CCL28: variants seen among roughly 807,000 people sequenced by gnomAD.
The protein encoded by CCL28 is C-C motif chemokine ligand 28.
A neutral mutation model predicts 7.1 loss-of-function variants in CCL28; 4 were observed. The ratio of observed to expected loss-of-function variants is 0.56; its 90% CI spans 0.28 to 1.29. The LOEUF is 1.29. Ranked by LOEUF, CCL28 falls within the 50% of genes most tolerant of loss-of-function variation. The pLI is 0.11. For missense variants in CCL28, 151 were observed against 163.4 expected, an observed-to-expected ratio of 0.92 and a Z score of 0.41; for synonymous variants, 55 against 57.8, an observed-to-expected ratio of 0.95 and a Z score of 0.22.
At chr5:43,403,271 G>A (rs953734790) in intron 1 of CCL28, among the ~76,000 whole-genome samples, 2 of 152,174 alleles carry the variant, frequency 1.3e-5, no homozygotes, top group Non-Finnish European at 2.9e-5. Flanking sequence ...AGTAGGGGCC[G>A]ACTGACACCT....
At chr5:43,378,687 G>C (rs1440622155), downstream of CCL28, among the ~76,000 whole-genome samples, 1 of 152,160 alleles carries the variant, frequency 6.6e-6, no homozygotes, top group Non-Finnish European at 1.5e-5. Context: ...TTTTGGCCGG[G>C]CGCGGTGGCT....
the CCL28 span, among the ~76,000 whole-genome samples, chr5:43,367,482 G>A: frequency 3.3e-5 from 5 of 152,202 alleles, no homozygotes; most frequent in African/African-American, 1.2e-4. Flanking sequence ...CTTGGCTAGG[G>A]AAGGGAGTTC....
intron 2 of CCL28, among the ~76,000 whole-genome samples, chr5:43,384,642 CTT>C (rs532693039): frequency 6.8e-6 from 1 of 147,382 alleles, no homozygotes; most frequent in African/African-American, 2.5e-5. Flanking sequence ...GCCAATCCCC[CTT>C]TTTTTTTTTC....
At chr5:43,391,152 C>T (rs1467675109) in intron 1 of CCL28, among the ~76,000 whole-genome samples, 1 of 151,928 alleles carries the variant, frequency 6.6e-6, no homozygotes, top group Non-Finnish European at 1.5e-5. Flanking sequence ...AAGGCAGAAG[C>T]GATAAATTAT....
chr5:43,373,101 T>C (rs893089059), downstream of CCL28, among the ~76,000 whole-genome samples: 2 of 152,094 alleles, frequency 1.3e-5, no homozygotes, highest in Non-Finnish European at 2.9e-5. Flanking sequence ...ATGCCCAGCC[T>C]GAACATTCTT....
chr5:43,382,520 T>C (rs1013146833), intron 2 of CCL28, among the ~76,000 whole-genome samples: 4 of 152,212 alleles, frequency 2.6e-5, no homozygotes, highest in African/African-American at 7.2e-5. Context: ...CCGTCTTTTT[T>C]CCCCTCTGAT....
chr5:43,382,427 C>T (rs1259440856), intron 2 of CCL28, among the ~76,000 whole-genome samples: 1 of 152,200 alleles, frequency 6.6e-6, no homozygotes, highest in Non-Finnish European at 1.5e-5. Context: ...AATTCATCCT[C>T]ACAGCCCATC....
At chr5:43,370,135 A>C in the CCL28 span, among the ~76,000 whole-genome samples, 1 of 152,250 alleles carries the variant, frequency 6.6e-6, no homozygotes, top group Non-Finnish European at 1.5e-5. Context: ...AAGTGAGACC[A>C]GTATAAGAAC....
At chr5:43,360,814 A>G in the CCL28 span, among the ~76,000 whole-genome samples, 1 of 151,988 alleles carries the variant, frequency 6.6e-6, no homozygotes, top group African/African-American at 2.4e-5. Context: ...GATTCTGGAT[A>G]TGAGACCTTT....
chr5:43,367,922 A>T, the CCL28 span, among the ~76,000 whole-genome samples: 1 of 152,240 alleles, frequency 6.6e-6, no homozygotes, highest in Middle Eastern at 3.2e-3. Context: ...TTTCCCATAC[A>T]AATCTTCAAG....
At chr5:43,397,493 C>T (rs1740862005) in intron 1 of CCL28, among the ~76,000 whole-genome samples, 1 of 152,176 alleles carries the variant, frequency 6.6e-6, no homozygotes, top group Non-Finnish European at 1.5e-5. Context: ...TCCTGGTCCA[C>T]AGCCAGAATT....
chr5:43,375,803 G>A (rs181188936), downstream of CCL28, among the ~76,000 whole-genome samples: 4 of 152,140 alleles, frequency 2.6e-5, no homozygotes, highest in East Asian at 7.7e-4. Context: ...AAAATTAGCC[G>A]GGTGTGGTGG....
At chr5:43,406,677 C>T (rs1404859457) in intron 1 of CCL28, among the ~76,000 whole-genome samples, 1 of 152,046 alleles carries the variant, frequency 6.6e-6, no homozygotes, top group Non-Finnish European at 1.5e-5. Flanking sequence ...AAAGGATATT[C>T]AATTAGGAAA....
rs1360051401 is a variant in CCL28, at chr5:43,381,906, GC to G, written c.337del (p.Ala113HisfsTer41). On this transcript the variant is annotated frameshift_variant, in exon 3 of 3. Coordinates refer to ENST00000361115, the MANE Select transcript of CCL28 (RefSeq NM_148672.3). LOFTEE classifies it low-confidence loss of function (END_TRUNC). Reference sequence around the variant, plus strand: ...GTATGTTTCGTGTTTCCCCTGATGTGCCCTGTTACTGTTCCTCTTGCCATGG... The same window carrying G: ...GTATGTTTCGTGTTTCCCCTGATGTGCCTGTTACTGTTCCTCTTGCCATGG... ...KHHGKRNSNRAHQGKHETYGH... is the reference protein window; with the variant it reads ...KHHGKRNSNRXHQGKHETYGH... 6.2e-7 allele frequency: 1 copy of G among 1,614,044 alleles called. No individual in the cohort carries two copies. The highest frequency in any genetic ancestry group is 8.5e-7 in the Non-Finnish European group (1 of 1,179,980).
At chr5:43,366,620 G>T in the CCL28 span, among the ~76,000 whole-genome samples, 1 of 152,216 alleles carries the variant, frequency 6.6e-6, no homozygotes. Context: ...TGAGGCATGG[G>T]GGTCAGGGAC....
At chr5:43,398,039 A>G (rs1402492597) in intron 1 of CCL28, among the ~76,000 whole-genome samples, 1 of 152,196 alleles carries the variant, frequency 6.6e-6, no homozygotes, top group Non-Finnish European at 1.5e-5. Flanking sequence ...TTCTTTTTGA[A>G]TCGTAGAAGT....
At chr5:43,373,105 C>T (rs1330795248), downstream of CCL28, among the ~76,000 whole-genome samples, 1 of 151,688 alleles carries the variant, frequency 6.6e-6, no homozygotes, top group East Asian at 1.9e-4. Context: ...CCAGCCTGAA[C>T]ATTCTTATAC....
chr5:43,389,849 G>C (rs1188613534), intron 1 of CCL28, among the ~76,000 whole-genome samples: 1 of 152,176 alleles, frequency 6.6e-6, no homozygotes, highest in African/African-American at 2.4e-5. Flanking sequence ...TAAGAGGCCA[G>C]GAAACAACTT....
chr5:43,370,732 CTCTT>C, the CCL28 span, among the ~76,000 whole-genome samples: 5 of 102,154 alleles, frequency 4.9e-5, no homozygotes, highest in African/African-American at 2.1e-4. Context: ...TCCTTTATCT[CTCTT>C]TCTCTCTCTT....
Sources: allele counts gnomAD v4.1 joint callset (sites outside exome capture counted in the v4.1 genomes callset), GRCh38; gene constraint gnomAD v4.1.1; transcripts MANE v1.5; gene names NCBI Gene and HGNC (gene_info 2026-07-23, HGNC 2026-07-21).